Variants in ULK2 observed in about 807,000 individuals in gnomAD.
ULK2 encodes serine/threonine-protein kinase ULK2.
ULK2 carries 76 observed loss-of-function variants against 127.5 expected under a neutral mutation model. The ratio of observed to expected loss-of-function variants is 0.60; its 90% confidence interval spans 0.50 to 0.72. The LOEUF is 0.72. ULK2 is among the 30% of genes least tolerant of loss of function. ULK2 has a pLI of 0.00. For missense variants in ULK2, 1,144 were observed against 1,295.9 expected, an observed-to-expected ratio of 0.88 and a Z score of 1.80; for synonymous variants, 452 against 461.9, an observed-to-expected ratio of 0.98 and a Z score of 0.28.
At position 19,772,046 on chromosome 17, in the gene ULK2, T is replaced by A. The variant is rs942716501; in HGVS notation, c.*4303A>T. The A allele has an allele frequency of 6.6e-6, 1 of 152,336 alleles. No individual in the cohort carries two copies. The highest frequency in any genetic ancestry group is 2.4e-5 in the African/African-American group (1 of 41,442). The allele number at this position is 152,336 out of a possible 1,614,324, so 9.4% of individuals were successfully genotyped here. ...TTCAGAGCAACAGGCACGGCTTCAC[T>A]CGGGACCACATGTGCCCAGGGGCTC... On this transcript the variant is annotated 3_prime_UTR_variant, in exon 27 of 27. Transcript: ENST00000395544.
At chr17:19,780,342 G>A (rs1021759280) in intron 25 of ULK2, 130 bp downstream of exon 25, 2 of 756,896 alleles carry the variant, frequency 2.6e-6, no homozygotes, top group African/African-American at 1.8e-5. Context: ...TTCTTTAGTA[G>A]AAGGCAATCC....
chr17:19,811,770 G>A (rs1202481785), intron 13 of ULK2, among the ~76,000 whole-genome samples: 2 of 152,040 alleles, frequency 1.3e-5, no homozygotes, highest in Non-Finnish European at 2.9e-5. Context: ...TCAATAATTT[G>A]ATTGCATATA....
At chr17:19,792,577 A>G (rs1156292356) in intron 20 of ULK2, among the ~76,000 whole-genome samples, 3 of 152,240 alleles carry the variant, frequency 2.0e-5, no homozygotes, top group Non-Finnish European at 1.5e-5. Context: ...GCAGCACAAA[A>G]TGGACTAAGA....
At chr17:19,784,026 C>T in intron 21 of ULK2, 121 bp from the exon 22 acceptor site, 1 of 745,602 alleles carries the variant, frequency 1.3e-6, no homozygotes, top group Non-Finnish European at 1.9e-6. Context: ...AAAAGAAACT[C>T]ACTGACCCCC....
At position 19,796,088 on chromosome 17, in the gene ULK2, C is replaced by T; in HGVS notation, c.1997+7G>A. ...TGTTTAATGCTAGAATGGAAACAGT[C>T]TTTTACCTGCCAAACACTGCCTTGC... On this transcript the variant is annotated splice_region_variant and intron_variant, in intron 19 of 26. Transcript: ENST00000395544. The T allele has an allele frequency of 6.2e-7, 1 of 1,601,926 alleles. No homozygotes were observed. The highest frequency in any genetic ancestry group is 8.5e-7 in the Non-Finnish European group (1 of 1,175,738).
At chr17:19,807,992 G>A (rs1232750150) in intron 14 of ULK2, among the ~76,000 whole-genome samples, 2 of 152,156 alleles carry the variant, frequency 1.3e-5, no homozygotes, top group Admixed American at 6.5e-5. Context: ...TGTAATCCCA[G>A]CTACCCTGGA....
intron 20 of ULK2, among the ~76,000 whole-genome samples, chr17:19,788,979 T>C (rs1161062897): frequency 1.3e-5 from 2 of 152,202 alleles, no homozygotes; most frequent in Non-Finnish European, 2.9e-5. Flanking sequence ...GACTCCTAGA[T>C]AGCATCTCTG....
intron 10 of ULK2, among the ~76,000 whole-genome samples, chr17:19,831,466 C>T (rs1021512245): frequency 6.6e-6 from 1 of 152,144 alleles, no homozygotes; most frequent in Non-Finnish European, 1.5e-5. Flanking sequence ...CATACTAAAA[C>T]TTATGGGATG....
At chr17:19,784,477 A>G (rs2086984875) in intron 21 of ULK2, among the ~76,000 whole-genome samples, 1 of 149,702 alleles carries the variant, frequency 6.7e-6, no homozygotes, top group Non-Finnish European at 1.5e-5. Flanking sequence ...GTAAGCACAT[A>G]GATCCTACTA....
At chr17:19,849,809 A>T in intron 3 of ULK2, 35 bp from the exon 4 acceptor site, 2 of 1,294,810 alleles carry the variant, frequency 1.5e-6, no homozygotes, top group Non-Finnish European at 2.1e-6. Flanking sequence ...CATTTAGAGA[A>T]AAATTAAACA....
chr17:19,816,972 A>C, intron 12 of ULK2, 52 bp from the exon 13 acceptor site: 1 of 1,542,198 alleles, frequency 6.5e-7, no homozygotes, highest in Non-Finnish European at 8.7e-7. Context: ...AATGCAAGTC[A>C]GAATAGTGAC....
intron 24 of ULK2, 56 bp from the exon 25 acceptor site, chr17:19,780,685 C>G (rs1279024314): frequency 6.6e-7 from 1 of 1,521,438 alleles, no homozygotes; most frequent in Non-Finnish European, 8.9e-7. Context: ...AATAAAGACA[C>G]AGTTATATGT....
chr17:19,845,275 A>AAT, intron 7 of ULK2, 29 bp downstream of exon 7: 4 of 1,591,904 alleles, frequency 2.5e-6, no homozygotes. Context: ...CCATGCTTTA[A>AAT]ACACACAAGG....
Position 19,781,055 on chromosome 17 carries a change from C to A in ULK2, c.2689G>T (p.Ala897Ser). The A allele has an allele frequency of 1.2e-6, 2 of 1,613,946 alleles. No individual in the cohort carries two copies. The highest frequency in any genetic ancestry group is 2.2e-5 in the South Asian group (2 of 91,066). The change falls in exon 24 of 27, where the codon GCT becomes TCT. Residue 897 changes from alanine (A) to serine (S), a missense_variant. Ala to Ser is a moderately conservative substitution (Grantham distance 99). Around this residue, in one of 2 missense-constraint regions of ULK2, gnomAD observed 913 missense variants for 970.5 expected, o/e 0.94. Coordinates refer to ENST00000395544, the MANE Select transcript of ULK2 (RefSeq NM_014683.4). Reference protein sequence around the residue: ...LYMKAAQLLAASLHLAKAQIK... With the variant: ...LYMKAAQLLASSLHLAKAQIK... Reference sequence around the variant, plus strand: ...TGGGCTTTGGCAAGATGCAGAGAAGCCGCAAGCAGCTGTGCTGCTTTCATG... The same window carrying A: ...TGGGCTTTGGCAAGATGCAGAGAAGACGCAAGCAGCTGTGCTGCTTTCATG...
rs1239600812 is a variant in ULK2 at position 19,772,055 on chromosome 17, CAT to C, written c.*4292_*4293del. The C allele has an allele frequency of 1.3e-5, 2 of 152,412 alleles. No individual in the cohort carries two copies. The highest frequency in any genetic ancestry group is 1.9e-4 in the East Asian group (1 of 5,204). The allele number at this position is 152,412 out of a possible 1,614,324, so 9.4% of individuals were successfully genotyped here. On this transcript the variant is annotated 3_prime_UTR_variant, in exon 27 of 27. Transcript: ENST00000395544. ...ACAGGCACGGCTTCACTCGGGACCA[CAT>C]GTGCCCAGGGGCTCCACAGGGCTGG...
intron 14 of ULK2, among the ~76,000 whole-genome samples, chr17:19,807,290 G>C (rs545951280): frequency 1.4e-4 from 21 of 152,298 alleles, no homozygotes; most frequent in African/African-American, 5.1e-4. Flanking sequence ...CACACAGCTT[G>C]CAAGGTTCTA....
At chr17:19,824,446 C>CAAAAAAA (rs397943235) in intron 12 of ULK2, among the ~76,000 whole-genome samples, 1 of 9,904 alleles carries the variant, frequency 1.0e-4, no homozygotes, top group Non-Finnish European at 2.9e-4. Flanking sequence ...AACTCCATCT[C>CAAAAAAA]AAAAAAAAAA....
rs551567690 is a variant in ULK2, at chr17:19,780,632, G to GA, written c.2759-4dup. 2.1e-4 allele frequency: 330 copies of GA among 1,589,490 alleles called. 1 individual carries two copies. Among genetic ancestry groups the GA allele is most frequent in the Non-Finnish European group, 2.6e-4 (308 of 1,170,552 alleles). ...TCGTTCGTTCAGATTCTTGACAACT[G>GA]AAAAAAAATTGAGATGGGAACTAAT... is the stretch of plus-strand genomic sequence containing the variant. On this transcript the variant is annotated splice_polypyrimidine_tract_variant and splice_region_variant and intron_variant, in intron 24 of 26. Coordinates refer to ENST00000395544, the MANE Select transcript of ULK2 (RefSeq NM_014683.4).
intron 21 of ULK2, among the ~76,000 whole-genome samples, chr17:19,785,570 C>T (rs1022085124): frequency 3.3e-5 from 5 of 151,442 alleles, no homozygotes; most frequent in African/African-American, 4.9e-5. Flanking sequence ...CTATAATTTT[C>T]AAATAATTTA....
Sources: gnomAD v4.1 joint callset for allele counts (sites outside exome capture counted in the v4.1 genomes callset) on GRCh38, gnomAD v4.1.1 for gene constraint, gnomAD v4.1.1 regional missense constraint, MANE v1.5 for transcripts, NCBI Gene and HGNC (gene_info 2026-07-23, HGNC 2026-07-21) for gene names.